The following GNAS variants were observed in gnomAD, a reference collection of about 807,000 sequenced individuals.
GNAS encodes the protein protein ALEX.
GNAS carries 8 observed loss-of-function variants against 54.5 expected under a neutral mutation model. The ratio of observed to expected loss-of-function variants is 0.15; its 90% CI spans 0.09 to 0.26. The LOEUF (loss-of-function observed/expected upper bound fraction) is 0.26. Ranked by LOEUF, GNAS falls within the 10% of genes least tolerant of loss-of-function variation. The pLI, the probability that GNAS is intolerant of heterozygous loss-of-function variation, is 1.00. For synonymous variants in GNAS, 204 were observed against 191.4 expected (o/e 1.07, Z -0.54); for missense variants, 170 against 529.8 (o/e 0.32, Z 6.67).
intron 1 of GNAS, chr20:58,855,582 G>C (rs2086448850): frequency 2.8e-6 from 2 of 717,732 alleles, no homozygotes; most frequent in African/African-American, 3.5e-5. Context: ...GCGACACTGA[G>C]GGTCGTTTCC....
In GNAS at chr20:58,841,464, C is replaced by T; in HGVS notation, c.43+578C>T. On this transcript the variant is annotated intron_variant, in intron 1 of 12. Coordinates refer to the GNAS transcript ENST00000306090. The surrounding 1 kb of genome is among the most constrained non-coding windows in gnomAD (Gnocchi z 5.0). ...ACGCGCGCGCGGCGCCTAAGCAGCTCAGAGCCGGAGCCCAGGTCCCAGAGC... is the reference window on the plus strand; with the variant it reads ...ACGCGCGCGCGGCGCCTAAGCAGCTTAGAGCCGGAGCCCAGGTCCCAGAGC... 1.0e-6 allele frequency: 1 copy of T among 992,320 alleles called. No homozygotes were observed. The highest frequency in any genetic ancestry group is 1.2e-6 in the Non-Finnish European group (1 of 834,408). The allele number at this position is 992,320 out of a possible 1,614,324, so 61.5% of individuals were successfully genotyped here.
chr20:58,849,121 G>C (rs1421748808), intron 1 of GNAS, among the ~76,000 whole-genome samples: 1 of 152,106 alleles, frequency 6.6e-6, no homozygotes. Context: ...AGACATTTTT[G>C]GTTGTTAAAA....
intron 1 of GNAS, chr20:58,895,284 C>A (rs1325574156): frequency 2.6e-6 from 1 of 381,058 alleles, no homozygotes; most frequent in African/African-American, 2.1e-5. Flanking sequence ...GTTTACCCCA[C>A]AAATGACAAA....
At chr20:58,884,997 TTG>T (rs995722823) in intron 1 of GNAS, 1 of 152,282 alleles carries the variant, frequency 6.6e-6, no homozygotes, top group Non-Finnish European at 1.5e-5. Context: ...GATATCCAAG[TTG>T]TGTGTCCACC....
At chr20:58,839,782 G>A, upstream of GNAS, 1 of 570,010 alleles carries the variant, frequency 1.8e-6, no homozygotes, top group South Asian at 2.3e-5. Context: ...AAGAGGACCG[G>A]CGGAGGCACC....
chr20:58,856,068 G>C lies in GNAS; in HGVS notation c.43+15182G>C, dbSNP rs935607788. ...AATAAGCGGGGCCCTTGGCCTGGGG[G>C]AGCGGGGAATCGCTTTTCGCCGGCC... On this transcript the variant is annotated intron_variant, in intron 1 of 12. Coordinates refer to the GNAS transcript ENST00000306090. The surrounding 1 kb of genome is among the most constrained non-coding windows in gnomAD (Gnocchi z 4.2). The C allele has an allele frequency of 5.4e-6, 1 of 183,720 alleles. No individual in the cohort carries two copies. The highest frequency in any genetic ancestry group is 1.1e-5 in the Non-Finnish European group (1 of 87,536). The allele number at this position is 183,720 out of a possible 1,614,324, so 11.4% of individuals were successfully genotyped here. A position where few individuals can be genotyped will look rare whatever the true frequency, so the allele number is the denominator to read the frequency against.
At chr20:58,892,931 AAC>A (rs1491262038) in intron 1 of GNAS, among the ~76,000 whole-genome samples, 3 of 147,156 alleles carry the variant, frequency 2.0e-5, no homozygotes, top group East Asian at 2.1e-4. Context: ...CATTAAAAAA[AAC>A]ACATTTTCCT....
chr20:58,891,388 G>A (rs1457770102), upstream of GNAS: 1 of 219,084 alleles, frequency 4.6e-6, no homozygotes, highest in Non-Finnish European at 7.5e-6. Flanking sequence ...GCCCGGCCGA[G>A]GCAATAAGAG....
chr20:58,895,536 A>G, intron 1 of GNAS, 76 bp from the exon 2 acceptor site: 2 of 882,782 alleles, frequency 2.3e-6, no homozygotes, highest in Admixed American at 1.8e-5. Flanking sequence ...GAAAAACAAA[A>G]CAACAACAGC....
chr20:58,903,382 C>T, intron 3 of GNAS, 149 bp from the exon 4 acceptor site: 1 of 759,832 alleles, frequency 1.3e-6, no homozygotes, highest in South Asian at 1.5e-5. Flanking sequence ...TATGTTTATT[C>T]AGCTACCTCC....
intron 3 of GNAS, 74 bp downstream of exon 3, chr20:58,899,059 C>G: frequency 8.9e-7 from 1 of 1,123,158 alleles, no homozygotes. Context: ...GAAACTGAGG[C>G]CAGAGACCCG....
In GNAS at chr20:58,841,866, A is replaced by G. The variant is rs1288810163; in HGVS notation, c.43+980A>G. 1.6e-6 allele frequency: 2 copies of G among 1,231,060 alleles called. No homozygotes were observed. Among genetic ancestry groups the G allele is most frequent in the South Asian group, 4.2e-5 (1 of 23,748 alleles). The allele number at this position is 1,231,060 out of a possible 1,614,324, so 76.3% of individuals were successfully genotyped here. ...CTCTGGAGGCCCTCGAGATCGTCGC[A>G]AGTGGAAAGGTAAAGCGGAACAAGG... On this transcript the variant is annotated intron_variant, in intron 1 of 12. Coordinates refer to the GNAS transcript ENST00000306090. This position sits in a 1 kb window ranked among gnomAD's most constrained non-coding sequence, Gnocchi z 5.0.
At chr20:58,906,191 A>G (rs1231054775) in intron 6 of GNAS, among the ~76,000 whole-genome samples, 1 of 152,232 alleles carries the variant, frequency 6.6e-6, no homozygotes, top group East Asian at 1.9e-4. Flanking sequence ...AGGACAGGTT[A>G]AGGCCTGCAG....
In GNAS at chr20:58,898,822, G is replaced by A. The variant is rs574979284; in HGVS notation, c.213-119G>A. On this transcript the variant is annotated intron_variant, in intron 2 of 12. Coordinates refer to ENST00000371085, the MANE Select transcript of GNAS (RefSeq NM_000516.7). ...ATTGCCGGGAGGATGGATGGCTGGCGCGCGAATTGTTGCTTTTGCTCTTGG... is the reference window on the plus strand; with the variant it reads ...ATTGCCGGGAGGATGGATGGCTGGCACGCGAATTGTTGCTTTTGCTCTTGG... 5.0e-5 allele frequency: 45 copies of A among 900,638 alleles called. No individual in the cohort carries two copies. The East Asian group carries it at 5.8e-4, about 12-fold the overall frequency. The allele number at this position is 900,638 out of a possible 1,614,324, so 55.8% of individuals were successfully genotyped here.
upstream of GNAS, among the ~76,000 whole-genome samples, chr20:58,888,210 C>T (rs996373088): frequency 3.9e-5 from 6 of 152,066 alleles, no homozygotes; most frequent in African/African-American, 1.4e-4. Flanking sequence ...CTGGGCTTTC[C>T]GGGACGTAGG....
chr20:58,887,610 G>A (rs1475316504), upstream of GNAS, among the ~76,000 whole-genome samples: 5 of 152,178 alleles, frequency 3.3e-5, no homozygotes, highest in Admixed American at 2.0e-4. Context: ...TAGTTCCTTT[G>A]AGCATTTTCA....
intron 1 of GNAS, among the ~76,000 whole-genome samples, chr20:58,879,087 C>A (rs2088045202): frequency 6.6e-6 from 1 of 152,172 alleles, no homozygotes; most frequent in Non-Finnish European, 1.5e-5. Flanking sequence ...TTTTGAGAAA[C>A]ACAGTGAGGT....
chr20:58,843,514 T>A (rs2145489992), intron 1 of GNAS: 1 of 152,306 alleles, frequency 6.6e-6, no homozygotes, highest in Admixed American at 6.5e-5. Flanking sequence ...GGGGTTAGCA[T>A]CTGAATAGGC....
Position 58,891,784 on chromosome 20 carries a change from C to T in GNAS, c.58C>T (p.Arg20Cys). 4 of 1,284,622 alleles carry T rather than the reference C, an allele frequency of 3.1e-6. No individual in the cohort carries two copies. Among genetic ancestry groups the T allele is most frequent in the Non-Finnish European group, 4.1e-6 (4 of 975,696 alleles). The allele number at this position is 1,284,622 out of a possible 1,614,324, so 79.6% of individuals were successfully genotyped here. The change falls in exon 1 of 13, where the codon CGT (arginine) becomes TGT (cysteine). Residue 20 changes from arginine (R) to cysteine (C), a missense_variant. Around this residue, in one of 3 missense-constraint regions of GNAS, gnomAD observed 56 missense variants for 55.7 expected, o/e 1.01. Coordinates refer to ENST00000371085, the MANE Select transcript of GNAS (RefSeq NM_000516.7). ...CCAGCGCAACGAGGAGAAGGCGCAGCGTGAGGCCAACAAAAAGATCGAGAA... is the reference window on the plus strand; with the variant it reads ...CCAGCGCAACGAGGAGAAGGCGCAGTGTGAGGCCAACAAAAAGATCGAGAA... Reference protein sequence around the residue: ...EDQRNEEKAQREANKKIEKQL... With the variant: ...EDQRNEEKAQCEANKKIEKQL...
Sources: allele counts gnomAD v4.1 joint callset (sites outside exome capture counted in the v4.1 genomes callset), GRCh38; gene constraint gnomAD v4.1.1; regional missense constraint gnomAD v4.1.1; non-coding constraint Gnocchi (gnomAD v3.1); transcripts MANE v1.5; gene names NCBI Gene and HGNC (gene_info 2026-07-23, HGNC 2026-07-21).